The following ARPP21 variants were observed in gnomAD, a reference collection of about 807,000 sequenced individuals.
ARPP21 encodes cAMP regulated phosphoprotein 21.
ARPP21 carries 69 observed loss-of-function variants against 113.2 expected under a neutral mutation model. The observed-to-expected ratio is 0.61, with a 90% confidence interval of 0.50 to 0.74. ARPP21 has a LOEUF of 0.74. Among genes scored for constraint, ARPP21 ranks in the 30% least tolerant of loss-of-function variants. The pLI is 0.00. For synonymous variants in ARPP21, 368 were observed against 375.5 expected, an observed-to-expected ratio of 0.98 and a Z score of 0.23; for missense variants, 1,070 against 1,037.4, an observed-to-expected ratio of 1.03 and a Z score of -0.43.
At chr3:35,752,611 T>G (rs2095438910) in intron 19 of ARPP21, among the ~76,000 whole-genome samples, 1 of 152,056 alleles carries the variant, frequency 6.6e-6, no homozygotes, top group South Asian at 2.1e-4. Flanking sequence ...TCCTAGAACT[T>G]TAATGTGCAT....
At chr3:35,749,441 A>G (rs2095318918) in intron 19 of ARPP21, among the ~76,000 whole-genome samples, 1 of 151,194 alleles carries the variant, frequency 6.6e-6, no homozygotes, top group South Asian at 2.1e-4. Context: ...CAAAAAAAAA[A>G]AAAAAAAAAG....
At chr3:35,779,424 G>A (rs1418355063) in intron 19 of ARPP21, among the ~76,000 whole-genome samples, 1 of 152,078 alleles carries the variant, frequency 6.6e-6, no homozygotes, top group South Asian at 2.1e-4. Flanking sequence ...CCAAAAACTG[G>A]GATTTTGTCC....
chr3:35,758,284 G>A (rs576408576), intron 19 of ARPP21, among the ~76,000 whole-genome samples: 1 of 152,000 alleles, frequency 6.6e-6, no homozygotes, highest in East Asian at 1.9e-4. Context: ...CATATACTTG[G>A]GGGGCGGGGG....
chr3:35,680,384 C>A (rs141243111), intron 2 of ARPP21, among the ~76,000 whole-genome samples: 2 of 151,924 alleles, frequency 1.3e-5, no homozygotes, highest in Non-Finnish European at 2.9e-5. Context: ...CTCAAACTAC[C>A]ATCCTTTTGG....
chr3:35,727,517 T>C (rs751039048), intron 14 of ARPP21, among the ~76,000 whole-genome samples: 1 of 152,236 alleles, frequency 6.6e-6, no homozygotes, highest in Non-Finnish European at 1.5e-5. Flanking sequence ...CATGTTATGT[T>C]CCTATCACTT....
chr3:35,747,961 AAGAGAG>A, intron 19 of ARPP21, among the ~76,000 whole-genome samples: 1 of 147,614 alleles, frequency 6.8e-6, no homozygotes, highest in Admixed American at 6.8e-5. Context: ...GAAAGAAAGA[AAGAGAG>A]AGAGAGAGAG....
rs151174826 is a variant in ARPP21 at position 35,788,837 on chromosome 3, G to C, written c.2138-3545G>C. Among the ~76,000 whole-genome samples the C allele has an allele frequency of 9.0e-3, 1,372 of 152,216 alleles. 4 individuals are homozygous for C. Among genetic ancestry groups the C allele is most frequent in the African/African-American group, 0.014 (595 of 41,552 alleles). ...AATAGTATGCAACTGTTGTATTTTA[G>C]TAGAAAACCTATTCCATTTTCAGAT... On this transcript the variant is annotated intron_variant, in intron 19 of 20. Coordinates refer to ENST00000684406, the MANE Select transcript of ARPP21 (RefSeq NM_001385562.1).
At chr3:35,704,485 A>T (rs989698012) in intron 9 of ARPP21, among the ~76,000 whole-genome samples, 1 of 152,038 alleles carries the variant, frequency 6.6e-6, no homozygotes, top group African/African-American at 2.4e-5. Context: ...TTTCATTCAC[A>T]CTTCCATGTC....
chr3:35,791,204 G>A (rs1387131515), intron 19 of ARPP21, among the ~76,000 whole-genome samples: 1 of 152,096 alleles, frequency 6.6e-6, no homozygotes, highest in African/African-American at 2.4e-5. Flanking sequence ...GACTCTCAGA[G>A]GCACTCAATA....
At chr3:35,691,527 C>A (rs561143135) in intron 9 of ARPP21, among the ~76,000 whole-genome samples, 9 of 151,690 alleles carry the variant, frequency 5.9e-5, no homozygotes, top group South Asian at 4.1e-4. Flanking sequence ...CATTTAAAAT[C>A]TGCCATCTCA....
At chr3:35,745,938 A>G (rs1489675842) in intron 19 of ARPP21, among the ~76,000 whole-genome samples, 3 of 152,176 alleles carry the variant, frequency 2.0e-5, no homozygotes, top group African/African-American at 7.2e-5. Flanking sequence ...CACTGTAATG[A>G]GAAGAGTGCA....
At chr3:35,764,532 T>C (rs932001975) in intron 19 of ARPP21, among the ~76,000 whole-genome samples, 2 of 152,146 alleles carry the variant, frequency 1.3e-5, no homozygotes, top group East Asian at 3.9e-4. Context: ...CCTCCATGCA[T>C]TCCCGAGGTG....
In ARPP21 at chr3:35,687,788, A is replaced by T. The variant is rs2081064218; in HGVS notation, c.311A>T (p.Asp104Val). The T allele has an allele frequency of 6.2e-7, 1 of 1,606,612 alleles. No individual in the cohort carries two copies. Among genetic ancestry groups the T allele is most frequent in the Non-Finnish European group, 8.5e-7 (1 of 1,176,516 alleles). Residue 104 changes from aspartate (D) to valine (V), a missense_variant, in exon 6 of 21, where the codon GAT becomes GTT. By Grantham distance (152) the Asp-to-Val change is radical. Coordinates refer to ENST00000684406, the MANE Select transcript of ARPP21 (RefSeq NM_001385562.1). ...AGTTTTTCCAGCCTGCAAGAGGAGG[A>T]TAAATCTAGGAAAGATGACTCTGAA... ...LSSFSSLQEE[D>V]KSRKDDSERE... is the part of the protein sequence containing the mutation.
At chr3:35,678,753 A>T (rs1475718763) in intron 1 of ARPP21, 1 of 152,000 alleles carries the variant, frequency 6.6e-6, no homozygotes. Flanking sequence ...GCTCATTTAA[A>T]CTTGGGAGAA....
At chr3:35,663,475 C>CA (rs750873610) in intron 1 of ARPP21, among the ~76,000 whole-genome samples, 28 of 152,138 alleles carry the variant, frequency 1.8e-4, no homozygotes, top group Non-Finnish European at 2.6e-4. Context: ...TAAATGTGCA[C>CA]AAAATGGAGA....
chr3:35,778,147 C>T (rs2096427119), intron 19 of ARPP21, among the ~76,000 whole-genome samples: 1 of 152,168 alleles, frequency 6.6e-6, no homozygotes, highest in African/African-American at 2.4e-5. Context: ...TTTAAAAAAT[C>T]TTCAGTTAAA....
chr3:35,753,390 T>C (rs1013948639), intron 19 of ARPP21, among the ~76,000 whole-genome samples: 3 of 152,042 alleles, frequency 2.0e-5, no homozygotes, highest in East Asian at 1.9e-4. Flanking sequence ...AAAGGTATAA[T>C]ATGTTTCAAT....
chr3:35,748,740 G>A (rs2151021077), intron 19 of ARPP21, among the ~76,000 whole-genome samples: 1 of 152,190 alleles, frequency 6.6e-6, no homozygotes, highest in East Asian at 1.9e-4. Context: ...TTTTTAGTTA[G>A]TACCTGTGTT....
intron 5 of ARPP21, chr3:35,685,677 A>G: frequency 1.0e-6 from 1 of 984,128 alleles, no homozygotes; most frequent in Non-Finnish European, 1.2e-6. Context: ...TCAGACCCAT[A>G]CCTGATGGTT....
Sources: allele counts gnomAD v4.1 joint callset (sites outside exome capture counted in the v4.1 genomes callset), GRCh38; gene constraint gnomAD v4.1.1; transcripts MANE v1.5; gene names NCBI Gene and HGNC (gene_info 2026-07-23, HGNC 2026-07-21).